Variants in DGKI observed in about 807,000 individuals in gnomAD.
DGKI encodes the protein diacylglycerol kinase iota.
DGKI carries 55 observed loss-of-function variants against 147.5 expected under a neutral mutation model. The observed-to-expected ratio is 0.37, with a 90% CI of 0.30 to 0.47. The LOEUF (loss-of-function observed/expected upper bound fraction) is 0.47. Among genes scored for constraint, DGKI ranks in the 20% least tolerant of loss-of-function variants. The probability of loss-of-function intolerance (pLI) is 1.00; values close to 1 mark genes in which losing one functional copy is unlikely to be tolerated. For missense variants in DGKI, 1,007 were observed against 1,323.8 expected, an observed-to-expected ratio of 0.76 and a Z score of 3.71; for synonymous variants, 469 against 477.1, an observed-to-expected ratio of 0.98 and a Z score of 0.22.
At chr7:137,550,760 G>A (rs1450372325) in intron 20 of DGKI, among the ~76,000 whole-genome samples, 3 of 152,168 alleles carry the variant, frequency 2.0e-5, no homozygotes, top group African/African-American at 7.2e-5. Context: ...AAGACTGTGA[G>A]TTCTCTGCCT....
chr7:137,701,632 CAATAA>C, intron 1 of DGKI, among the ~76,000 whole-genome samples: 1 of 151,946 alleles, frequency 6.6e-6, no homozygotes, highest in East Asian at 1.9e-4. Context: ...AGGACAGATA[CAATAA>C]AATATTTGTA....
At chr7:137,668,309 C>T (rs1414368272) in intron 3 of DGKI, among the ~76,000 whole-genome samples, 3 of 152,180 alleles carry the variant, frequency 2.0e-5, no homozygotes, top group Non-Finnish European at 2.9e-5. Context: ...AAATGCACTG[C>T]AAAAGGCATG....
chr7:137,737,886 A>G (rs1307919815), intron 1 of DGKI, among the ~76,000 whole-genome samples: 1 of 152,120 alleles, frequency 6.6e-6, no homozygotes, highest in Non-Finnish European at 1.5e-5. Flanking sequence ...TGGAGCTAGG[A>G]AAAAAATGGG....
At chr7:137,820,444 T>C (rs1340672674) in intron 1 of DGKI, among the ~76,000 whole-genome samples, 1 of 152,226 alleles carries the variant, frequency 6.6e-6, no homozygotes, top group Admixed American at 6.5e-5. Context: ...AAAATGGCTG[T>C]GAGAGCCCTG....
In DGKI at chr7:137,582,592, C is replaced by T. The variant is rs116624232; in HGVS notation, c.1564-664G>A. ...TTCAAGTTCTCATTTAATCTATCAA[C>T]CCTTATATCTTTATTATGACCATGA... On this transcript the variant is annotated intron_variant, in intron 14 of 32. Transcript: ENST00000614521. Among the ~76,000 whole-genome samples the T allele has an allele frequency of 5.6e-3, 849 of 152,102 alleles. 8 individuals are homozygous for T. Among genetic ancestry groups the T allele is most frequent in the African/African-American group, 0.019 (797 of 41,506 alleles).
intron 21 of DGKI, among the ~76,000 whole-genome samples, chr7:137,517,541 G>A (rs1243892936): frequency 2.0e-5 from 3 of 152,052 alleles, no homozygotes; most frequent in Admixed American, 6.6e-5. Flanking sequence ...AAATTCCAAA[G>A]GTTTAGTTAA....
At position 137,388,930 on chromosome 7, in the gene DGKI, C is replaced by A. The variant is rs962210287; in HGVS notation, c.*2290G>T. The A allele has an allele frequency of 1.3e-5, 2 of 152,022 alleles. No homozygotes were observed. Among genetic ancestry groups the A allele is most frequent in the African/African-American group, 4.8e-5 (2 of 41,380 alleles). The allele number at this position is 152,022 out of a possible 1,614,324, so 9.4% of individuals were successfully genotyped here. A position where few individuals can be genotyped will look rare whatever the true frequency, so the allele number is the denominator to read the frequency against. ...TATTTAGAAATTGGCCCATAGCCAC[C>A]TGTACCCTAAATTTTCTCTGGGCTA... On this transcript the variant is annotated 3_prime_UTR_variant, in exon 33 of 33. Transcript: ENST00000614521.
At chr7:137,780,954 GCAGA>G (rs1231100574) in intron 1 of DGKI, among the ~76,000 whole-genome samples, 2 of 152,174 alleles carry the variant, frequency 1.3e-5, no homozygotes, top group African/African-American at 4.8e-5. Context: ...CTTTAAAAAG[GCAGA>G]CAGAGGGCTT....
chr7:137,827,241 C>A (rs1164343206), intron 1 of DGKI, among the ~76,000 whole-genome samples: 2 of 152,140 alleles, frequency 1.3e-5, no homozygotes, highest in African/African-American at 4.8e-5. Flanking sequence ...CTCCCCACAG[C>A]TGAGTATGGA....
intron 1 of DGKI, among the ~76,000 whole-genome samples, chr7:137,700,689 C>T (rs1457174038): frequency 6.6e-6 from 1 of 152,002 alleles, no homozygotes; most frequent in Non-Finnish European, 1.5e-5. Flanking sequence ...ACCAGCCTGG[C>T]CAACATGGTG....
intron 20 of DGKI, among the ~76,000 whole-genome samples, chr7:137,540,339 T>C (rs1445316694): frequency 3.3e-5 from 5 of 152,080 alleles, no homozygotes; most frequent in African/African-American, 1.2e-4. Context: ...CTCTAAATCC[T>C]AGCCAGGACA....
At chr7:137,696,461 T>G (rs77586845) in intron 1 of DGKI, among the ~76,000 whole-genome samples, 2,968 of 108,720 alleles carry the variant, frequency 0.027, 40 homozygotes, top group Admixed American at 0.035. Context: ...TTTTTTTTTT[T>G]TTGCTTAATG....
chr7:137,817,239 C>T (rs1453490309), intron 1 of DGKI, among the ~76,000 whole-genome samples: 1 of 150,838 alleles, frequency 6.6e-6, no homozygotes, highest in Non-Finnish European at 1.5e-5. Context: ...TTCATCAATT[C>T]GATTCAAAGT....
chr7:137,387,196 G>A lies in DGKI; in HGVS notation c.*4024C>T, dbSNP rs1384119525. ...TGTAAAGTGGTGTAAGCATCACAGA[G>A]GAAAGAACTCTCCTTTACTTGAAAT... is the stretch of plus-strand genomic sequence containing the variant. On this transcript the variant is annotated 3_prime_UTR_variant, in exon 33 of 33. Coordinates refer to ENST00000614521, the MANE Select transcript of DGKI (RefSeq NM_001321708.2). 2.0e-5 allele frequency: 3 copies of A among 152,180 alleles called. No individual in the cohort carries two copies. The highest frequency in any genetic ancestry group is 3.4e-3 in the Middle Eastern group (1 of 294). The allele number at this position is 152,180 out of a possible 1,614,324, so 9.4% of individuals were successfully genotyped here. A position where few individuals can be genotyped will look rare whatever the true frequency, so the allele number is the denominator to read the frequency against.
chr7:137,513,694 G>T (rs1816655386), intron 21 of DGKI, among the ~76,000 whole-genome samples: 1 of 152,134 alleles, frequency 6.6e-6, no homozygotes, highest in Non-Finnish European at 1.5e-5. Context: ...TAGCTCCTAG[G>T]CTACAAACCT....
chr7:137,422,603 T>C (rs1216509174), intron 28 of DGKI, among the ~76,000 whole-genome samples: 14 of 114,672 alleles, frequency 1.2e-4, no homozygotes, highest in South Asian at 9.3e-4. Context: ...TTCTTTTTTT[T>C]TTTTTTTTTT....
intron 1 of DGKI, among the ~76,000 whole-genome samples, chr7:137,779,834 G>A (rs1395783802): frequency 6.6e-6 from 1 of 152,074 alleles, no homozygotes; most frequent in Non-Finnish European, 1.5e-5. Flanking sequence ...ATATTATTTT[G>A]TGTCCTTTGT....
chr7:137,670,464 G>A (rs531090725), intron 3 of DGKI, among the ~76,000 whole-genome samples: 25 of 152,250 alleles, frequency 1.6e-4, no homozygotes, highest in African/African-American at 5.8e-4. Flanking sequence ...GCACGTGAAC[G>A]ATCTCATGGA....
At chr7:137,394,038 T>C (rs1340975518) in intron 32 of DGKI, among the ~76,000 whole-genome samples, 1 of 152,184 alleles carries the variant, frequency 6.6e-6, no homozygotes, top group Non-Finnish European at 1.5e-5. Flanking sequence ...CCTGAGCTAC[T>C]CGGTACCTGC....
Sources: allele counts gnomAD v4.1 joint callset (sites outside exome capture counted in the v4.1 genomes callset), GRCh38; gene constraint gnomAD v4.1.1; transcripts MANE v1.5; gene names NCBI Gene and HGNC (gene_info 2026-07-23, HGNC 2026-07-21).